Variants in CORO1C observed in about 807,000 individuals in gnomAD.
The protein encoded by CORO1C is coronin-1C.
CORO1C carries 14 observed loss-of-function variants against 51.2 expected under a neutral mutation model. That is an observed-to-expected ratio of 0.27 (90% CI 0.18 to 0.43). The LOEUF (loss-of-function observed/expected upper bound fraction) is 0.43, where lower values mean the gene tolerates loss of function less well. Ranked by LOEUF, CORO1C falls within the 20% of genes least tolerant of loss-of-function variation. CORO1C has a pLI of 1.00. For missense variants in CORO1C, 417 were observed against 607.8 expected (o/e 0.69, Z 3.30); for synonymous variants, 181 against 210.5 (o/e 0.86, Z 1.21).
chr12:108,677,476 C>T lies in CORO1C; in HGVS notation c.318+796G>A, dbSNP rs117852036. The stretch of plus-strand genomic sequence containing the variant: ...CTTAACCAGGGTCCACTGGACAGAA[C>T]ACAGTTCTGCCATTAGCTTGGAAAC... On this transcript the variant is annotated intron_variant, in intron 3 of 10. Coordinates refer to ENST00000261401, the MANE Select transcript of CORO1C (RefSeq NM_014325.4). Among the ~76,000 whole-genome samples the T allele has an allele frequency of 6.4e-3, 970 of 152,326 alleles. 6 individuals are homozygous for T. Among genetic ancestry groups the T allele is most frequent in the Non-Finnish European group, 1.0e-2 (680 of 68,026 alleles).
chr12:108,712,469 G>A (rs570970270), intron 1 of CORO1C, among the ~76,000 whole-genome samples: 5 of 150,992 alleles, frequency 3.3e-5, no homozygotes, highest in Non-Finnish European at 7.4e-5. Flanking sequence ...AGCTACTCAG[G>A]AGGCTGAGGC....
chr12:108,707,042 A>G (rs1302190324), intron 1 of CORO1C, among the ~76,000 whole-genome samples: 4 of 152,236 alleles, frequency 2.6e-5, no homozygotes, highest in Non-Finnish European at 4.4e-5. Flanking sequence ...GAAATTAAAG[A>G]CACAAATGAA....
intron 1 of CORO1C, among the ~76,000 whole-genome samples, chr12:108,703,806 C>A (rs1262966858): frequency 2.0e-5 from 3 of 152,170 alleles, no homozygotes; most frequent in Admixed American, 1.3e-4. Flanking sequence ...CAGGTGTGAA[C>A]AGATGCCTCA....
intron 2 of CORO1C, among the ~76,000 whole-genome samples, chr12:108,687,092 T>C (rs1027225746): frequency 1.3e-5 from 2 of 152,210 alleles, no homozygotes; most frequent in Non-Finnish European, 2.9e-5. Context: ...GCCGAGTTCC[T>C]GGAGACTGAT....
intron 2 of CORO1C, among the ~76,000 whole-genome samples, chr12:108,698,694 A>T (rs1015981054): frequency 1.3e-5 from 2 of 152,254 alleles, no homozygotes; most frequent in Non-Finnish European, 1.5e-5. Flanking sequence ...GGCATGGGCC[A>T]CTGTGCCCGG....
chr12:108,653,803 G>A, intron 7 of CORO1C, among the ~76,000 whole-genome samples: 1 of 152,144 alleles, frequency 6.6e-6, no homozygotes. Context: ...GAGTCTCTGA[G>A]GCCCTCAAAA....
chr12:108,702,845 T>C (rs541966877), intron 1 of CORO1C: 1 of 1,535,676 alleles, frequency 6.5e-7, no homozygotes, highest in Admixed American at 2.0e-5. Flanking sequence ...TGGGGGCATG[T>C]AGCCGGGCTG....
At chr12:108,675,835 A>T (rs2033887948) in intron 3 of CORO1C, among the ~76,000 whole-genome samples, 1 of 152,204 alleles carries the variant, frequency 6.6e-6, no homozygotes, top group South Asian at 2.1e-4. Context: ...CGAACAATAT[A>T]GTCTAGCCAA....
intron 1 of CORO1C, among the ~76,000 whole-genome samples, chr12:108,726,297 T>C (rs2035589412): frequency 6.6e-6 from 1 of 150,904 alleles, no homozygotes; most frequent in Non-Finnish European, 1.5e-5. Context: ...CGGGCGCCTG[T>C]AGTCCCAGCT....
rs1163703701 is a variant in CORO1C at position 108,705,459 on chromosome 12, CA to C, written c.-5-4137del. 3.8e-3 allele frequency among the ~76,000 whole-genome samples: 244 copies of C among 63,406 alleles called. 1 individual carries two copies. Among genetic ancestry groups the C allele is most frequent in the African/African-American group, 0.013 (208 of 15,798 alleles). The allele number at this position is 63,406 out of a possible 152,430, so 41.6% of individuals were successfully genotyped here. On this transcript the variant is annotated intron_variant, in intron 1 of 10. Coordinates refer to ENST00000261401, the MANE Select transcript of CORO1C (RefSeq NM_014325.4). ...TAGGTGACAGAGCAAGACCCTGTCT[CA>C]AAAAAAAAAAAAAAAAAAAAAAGAA... is the stretch of plus-strand genomic sequence containing the variant.
rs770920855 is a variant in CORO1C, at chr12:108,676,771, C to CAA, written c.318+1499_318+1500dup. Among the ~76,000 whole-genome samples the CAA allele has an allele frequency of 3.1e-3, 374 of 120,652 alleles. 2 individuals carry two copies. The highest frequency in any genetic ancestry group is 4.4e-3 in the Non-Finnish European group (255 of 58,044). 79.2% of individuals were successfully genotyped at this position (120,652 alleles called of 152,430 possible). A position where few individuals can be genotyped will look rare whatever the true frequency, so the allele number is the denominator to read the frequency against. On this transcript the variant is annotated intron_variant, in intron 3 of 10. Transcript: ENST00000261401. ...TGGGTGACAAAGTGAGACTCCATCC[C>CAA]AAAAAAAAAAAAAAAAATTCTGGCA...
rs1357889085 is a variant in CORO1C, at chr12:108,646,696, GA to G, written c.*706del. ...AATACGACGTGAGCTTTTTTGATCA[GA>G]AGACTCCATGAAATGAGAGCGGTGG... On this transcript the variant is annotated 3_prime_UTR_variant, in exon 11 of 11. Coordinates refer to ENST00000261401, the MANE Select transcript of CORO1C (RefSeq NM_014325.4). 6.6e-6 allele frequency: 1 copy of G among 152,246 alleles called. No homozygotes were observed. Among genetic ancestry groups the G allele is most frequent in the African/African-American group, 2.4e-5 (1 of 41,428 alleles). 9.4% of individuals were successfully genotyped at this position (152,246 alleles called of 1,614,324 possible). A position where few individuals can be genotyped will look rare whatever the true frequency, so the allele number is the denominator to read the frequency against.
At chr12:108,661,379 C>T (rs1592860065) in intron 4 of CORO1C, among the ~76,000 whole-genome samples, 2 of 152,152 alleles carry the variant, frequency 1.3e-5, no homozygotes, top group South Asian at 4.1e-4. Flanking sequence ...GGGTCACAGC[C>T]TACCACCAAG....
chr12:108,649,063 T>C, intron 8 of CORO1C, 43 bp from the exon 9 acceptor site: 3 of 1,596,048 alleles, frequency 1.9e-6, no homozygotes, highest in Non-Finnish European at 2.6e-6. Flanking sequence ...AAGTGAAATA[T>C]GAGGCTGACT....
Position 108,648,631 on chromosome 12 carries a change from T to G in CORO1C, c.1279A>C (p.Lys427Gln). 6.2e-7 allele frequency: 1 copy of G among 1,614,206 alleles called. No individual in the cohort carries two copies. The highest frequency in any genetic ancestry group is 8.5e-7 in the Non-Finnish European group (1 of 1,180,026). Residue 427 changes from lysine to glutamine, a missense_variant, in exon 10 of 11, where the codon AAG (lysine) becomes CAG (glutamine). Transcript: ENST00000261401. ...NKKCDLISIP[K>Q]KTTDTASVQN... ...ACACTGGCCGTGTCTGTGGTTTTCT[T>G]GGGGATGCTGATCAGGTCGCACTTC...
rs532469870 is a variant in CORO1C at position 108,655,570 on chromosome 12, C to T, written c.751-1160G>A. ...GGTTTTCGTATTTTTTTGGTGGAGACGGGGTTTCGCTGTGTTGGCGGGGCT... is the reference window on the plus strand; with the variant it reads ...GGTTTTCGTATTTTTTTGGTGGAGATGGGGTTTCGCTGTGTTGGCGGGGCT... On this transcript the variant is annotated intron_variant, in intron 6 of 10. Coordinates refer to ENST00000261401, the MANE Select transcript of CORO1C (RefSeq NM_014325.4). Among the ~76,000 whole-genome samples, 10 of 152,336 alleles carry T rather than the reference C, an allele frequency of 6.6e-5. No homozygotes were observed. In the East Asian group the frequency reaches 1.7e-3, roughly 26 times the overall value.
In CORO1C at chr12:108,688,467, T is replaced by C. The variant is rs118049100; in HGVS notation, c.196-10073A>G. The stretch of plus-strand genomic sequence containing the variant: ...CTTCCCAAACTCTCGAAATTCAACA[T>C]TGGGAATTTTGCTTCCAATATGTCC... On this transcript the variant is annotated intron_variant, in intron 2 of 10. Coordinates refer to ENST00000261401, the MANE Select transcript of CORO1C (RefSeq NM_014325.4). Among the ~76,000 whole-genome samples, 973 of 152,342 alleles carry C rather than the reference T, an allele frequency of 6.4e-3. 6 individuals are homozygous for C. The highest frequency in any genetic ancestry group is 1.0e-2 in the Non-Finnish European group (680 of 68,030).
intron 1 of CORO1C, among the ~76,000 whole-genome samples, chr12:108,726,371 A>G (rs552377923): frequency 6.6e-6 from 1 of 151,202 alleles, no homozygotes; most frequent in Non-Finnish European, 1.5e-5. Flanking sequence ...GTGAGCTGAG[A>G]TCGTGCCACT....
rs554775002 is a variant in CORO1C, at chr12:108,730,969, GC to G, written c.-6+459del. 348 of 152,584 alleles carry G rather than the reference GC, an allele frequency of 2.3e-3. 2 individuals are homozygous for G. The highest frequency in any genetic ancestry group is 7.8e-3 in the African/African-American group (325 of 41,418). 9.5% of individuals were successfully genotyped at this position (152,584 alleles called of 1,614,324 possible). ...CCCCACCCACTCGTTCCCTGGGGCG[GC>G]CCAAACCCAGTCCCCAGGCCTGGAG... On this transcript the variant is annotated intron_variant, in intron 1 of 10. Transcript: ENST00000261401.
Sources: allele counts gnomAD v4.1 joint callset (sites outside exome capture counted in the v4.1 genomes callset), GRCh38; gene constraint gnomAD v4.1.1; transcripts MANE v1.5; gene names NCBI Gene and HGNC (gene_info 2026-07-23, HGNC 2026-07-21).